Variants in PCSK2 observed in about 807,000 individuals in gnomAD.
PCSK2 encodes proprotein convertase subtilisin/kexin type 2.
In PCSK2, 14 loss-of-function variants were observed where a neutral mutation model predicts 69.7. That is an observed-to-expected ratio of 0.20 (90% confidence interval 0.13 to 0.31). The LOEUF (loss-of-function observed/expected upper bound fraction) is 0.31. Among genes scored for constraint, PCSK2 ranks in the 10% least tolerant of loss-of-function variants. The probability of loss-of-function intolerance (pLI) is 1.00; values close to 1 mark genes in which losing one functional copy is unlikely to be tolerated. For missense variants in PCSK2, 544 were observed against 842.5 expected (o/e 0.65, Z 4.39); for synonymous variants, 307 against 320.7 (o/e 0.96, Z 0.46).
intron 2 of PCSK2, among the ~76,000 whole-genome samples, chr20:17,346,844 C>G (rs543508949): frequency 1.3e-5 from 2 of 152,190 alleles, no homozygotes; most frequent in South Asian, 4.2e-4. Context: ...CTGCAATGCA[C>G]ATGTTCCAAC....
intron 2 of PCSK2, among the ~76,000 whole-genome samples, chr20:17,268,270 G>T (rs1445878891): frequency 6.6e-6 from 1 of 151,946 alleles, no homozygotes; most frequent in Non-Finnish European, 1.5e-5. Context: ...CTCCCAGGGG[G>T]CTTGTATACT....
Position 17,482,068 on chromosome 20 carries a change from T to C in PCSK2, c.1915T>C (p.Ter639GlnextTer27), listed in dbSNP as rs772187873. The change falls in exon 12 of 12, where the codon TAG becomes CAG. Residue 639 changes from the stop codon to glutamine (Q), a stop_lost. Coordinates refer to ENST00000262545, the MANE Select transcript of PCSK2 (RefSeq NM_002594.5). Reference sequence around the variant, plus strand: ...CCTGAAAAGCATCCTTAACAAGAACTAGCGCTGCACATCCGCCTTTCCCAC... The same window carrying C: ...CCTGAAAAGCATCCTTAACAAGAACCAGCGCTGCACATCCGCCTTTCCCAC... ...RSLKSILNKN[*>Q] 1 of 1,573,904 alleles carries C rather than the reference T, an allele frequency of 6.4e-7. No individual in the cohort carries two copies. The highest frequency in any genetic ancestry group is 8.6e-7 in the Non-Finnish European group (1 of 1,161,242).
chr20:17,440,632 G>A (rs1436792783), intron 8 of PCSK2, among the ~76,000 whole-genome samples: 9 of 152,140 alleles, frequency 5.9e-5, no homozygotes, highest in African/African-American at 2.2e-4. Flanking sequence ...GGGCTAAGGC[G>A]GGTGGATCAC....
chr20:17,383,412 T>C (rs1298941620), intron 5 of PCSK2, among the ~76,000 whole-genome samples: 1 of 152,210 alleles, frequency 6.6e-6, no homozygotes, highest in Non-Finnish European at 1.5e-5. Flanking sequence ...TATTTCTTCA[T>C]AGCTACAACC....
intron 9 of PCSK2, among the ~76,000 whole-genome samples, chr20:17,455,666 A>G (rs1216857476): frequency 6.6e-6 from 1 of 152,212 alleles, no homozygotes; most frequent in Non-Finnish European, 1.5e-5. Flanking sequence ...GCCAGTCCCA[A>G]TGCAACAAAA....
intron 8 of PCSK2, among the ~76,000 whole-genome samples, chr20:17,449,019 C>T (rs2032754007): frequency 6.6e-6 from 1 of 152,044 alleles, no homozygotes; most frequent in Non-Finnish European, 1.5e-5. Context: ...AGGTGTGCCT[C>T]ACCACGCCAA....
chr20:17,423,325 A>G (rs6136089), intron 6 of PCSK2, among the ~76,000 whole-genome samples: 124,458 of 152,162 alleles, frequency 0.82, 51,603 homozygotes, highest in African/African-American at 0.9. Context: ...AATTGGTTGA[A>G]TTATTACCTA....
chr20:17,226,555 G>T (rs1985910476), upstream of PCSK2, among the ~76,000 whole-genome samples: 2 of 147,234 alleles, frequency 1.4e-5, 1 homozygote, highest in East Asian at 4.1e-4. Flanking sequence ...GAGAGAGAGA[G>T]GTGTTTTTGC....
At chr20:17,422,669 G>T (rs948528129) in intron 6 of PCSK2, among the ~76,000 whole-genome samples, 6 of 152,046 alleles carry the variant, frequency 3.9e-5, no homozygotes, top group African/African-American at 1.4e-4. Flanking sequence ...AGAAGAAGAT[G>T]AGGTTGAAGT....
intron 2 of PCSK2, among the ~76,000 whole-genome samples, chr20:17,341,502 C>T (rs1990509858): frequency 6.6e-6 from 1 of 152,168 alleles, no homozygotes; most frequent in Non-Finnish European, 1.5e-5. Flanking sequence ...TTTACCCTTT[C>T]AAAGAAGGGG....
chr20:17,288,519 C>T (rs1244465321), intron 2 of PCSK2, among the ~76,000 whole-genome samples: 1 of 152,124 alleles, frequency 6.6e-6, no homozygotes, highest in Non-Finnish European at 1.5e-5. Context: ...TGAATTGTTT[C>T]CCCCCAGATT....
chr20:17,474,854 C>A (rs1312564603), intron 11 of PCSK2, among the ~76,000 whole-genome samples: 2 of 152,046 alleles, frequency 1.3e-5, no homozygotes, highest in East Asian at 3.9e-4. Context: ...ACTGAGCCCA[C>A]AGATGGAATG....
intron 2 of PCSK2, among the ~76,000 whole-genome samples, chr20:17,312,966 G>C (rs1425268468): frequency 6.6e-6 from 1 of 152,124 alleles, no homozygotes; most frequent in Non-Finnish European, 1.5e-5. Context: ...TCTAGCGAAA[G>C]CATCTTCCCC....
chr20:17,325,724 T>C (rs1990026515), intron 2 of PCSK2, among the ~76,000 whole-genome samples: 1 of 152,246 alleles, frequency 6.6e-6, no homozygotes, highest in Non-Finnish European at 1.5e-5. Flanking sequence ...CTCTCATCTT[T>C]CTTAACTACT....
At position 17,482,686 on chromosome 20, in the gene PCSK2, G is replaced by C. The variant is rs1417934081; in HGVS notation, c.*616G>C. 6.6e-6 allele frequency: 1 copy of C among 152,396 alleles called. No individual in the cohort carries two copies. Among genetic ancestry groups the C allele is most frequent in the African/African-American group, 2.4e-5 (1 of 41,438 alleles). The allele number at this position is 152,396 out of a possible 1,614,324, so 9.4% of individuals were successfully genotyped here. A position where few individuals can be genotyped will look rare whatever the true frequency, so the allele number is the denominator to read the frequency against. On this transcript the variant is annotated 3_prime_UTR_variant, in exon 12 of 12. Transcript: ENST00000262545. ...GGGGAAAGAGATCCAGGAAGCATGA[G>C]TGCTGGATATTTTACTACCAATGCC...
chr20:17,335,293 AG>A (rs1990314873), intron 2 of PCSK2, among the ~76,000 whole-genome samples: 1 of 152,176 alleles, frequency 6.6e-6, no homozygotes, highest in African/African-American at 2.4e-5. Context: ...ATAGGACCAA[AG>A]CTCAGCCTCT....
At chr20:17,455,644 G>T (rs1437628665) in intron 9 of PCSK2, among the ~76,000 whole-genome samples, 1 of 152,178 alleles carries the variant, frequency 6.6e-6, no homozygotes, top group Non-Finnish European at 1.5e-5. Context: ...AGTGGCCTTT[G>T]GCCTTTCAAG....
intron 11 of PCSK2, among the ~76,000 whole-genome samples, chr20:17,479,605 A>C (rs558907965): frequency 6.6e-6 from 1 of 152,072 alleles, no homozygotes; most frequent in South Asian, 2.1e-4. Context: ...CGAGACCATC[A>C]TGGCTAACAC....
At chr20:17,256,665 G>A (rs571799406) in intron 1 of PCSK2, among the ~76,000 whole-genome samples, 2 of 150,528 alleles carry the variant, frequency 1.3e-5, no homozygotes, top group Non-Finnish European at 3.0e-5. Context: ...GGATACATGT[G>A]CAGAACATGG....
Sources: gnomAD v4.1 joint callset for allele counts (sites outside exome capture counted in the v4.1 genomes callset) on GRCh38, gnomAD v4.1.1 for gene constraint, MANE v1.5 for transcripts, NCBI Gene and HGNC (gene_info 2026-07-23, HGNC 2026-07-21) for gene names.